NELL1: variants seen among roughly 807,000 people sequenced by gnomAD.
The protein encoded by NELL1 is protein kinase C-binding protein NELL1.
NELL1 carries 76 observed loss-of-function variants against 107.4 expected under a neutral mutation model. That is an observed-to-expected ratio of 0.71 (90% confidence interval 0.59 to 0.86). NELL1 has a LOEUF of 0.86. NELL1 is among the 40% of genes least tolerant of loss of function. The probability of loss-of-function intolerance (pLI) is 0.00; values close to 1 mark genes in which losing one functional copy is unlikely to be tolerated. For synonymous variants in NELL1, 353 were observed against 341.2 expected, an observed-to-expected ratio of 1.03 and a Z score of -0.38; for missense variants, 1,024 against 1,005.5, an observed-to-expected ratio of 1.02 and a Z score of -0.25.
Position 20,700,777 on chromosome 11 carries a change from T to C in NELL1, c.184+22717T>C, listed in dbSNP as rs959762962. On this transcript the variant is annotated intron_variant, in intron 2 of 19. Transcript: ENST00000357134. ...TGCGGTGTTTGGTTTTCTGTCCTTG[T>C]GATAGTTTGCTGAGAATGATGGTTT... 9.2e-5 allele frequency among the ~76,000 whole-genome samples: 14 copies of C among 152,222 alleles called. 1 individual carries two copies. The highest frequency in any genetic ancestry group is 3.1e-4 in the African/African-American group (13 of 41,538).
chr11:21,362,366 T>A (rs910009898), intron 14 of NELL1, among the ~76,000 whole-genome samples: 1 of 152,184 alleles, frequency 6.6e-6, no homozygotes, highest in African/African-American at 2.4e-5. Context: ...CTTCCAGCCA[T>A]GGATACCAGC....
intron 14 of NELL1, among the ~76,000 whole-genome samples, chr11:21,297,539 A>G (rs1849400230): frequency 6.6e-6 from 1 of 151,942 alleles, no homozygotes; most frequent in Admixed American, 6.6e-5. Context: ...GATCTGTTTT[A>G]TTTTTACCAG....
intron 11 of NELL1, among the ~76,000 whole-genome samples, chr11:20,951,229 A>G (rs377655279): frequency 7.2e-4 from 110 of 152,332 alleles, no homozygotes; most frequent in African/African-American, 2.6e-3. Flanking sequence ...ATATGAAATA[A>G]GGTTAAAACC....
chr11:21,026,568 AAGT>A (rs1397895623), intron 12 of NELL1, among the ~76,000 whole-genome samples: 4 of 152,178 alleles, frequency 2.6e-5, no homozygotes, highest in Non-Finnish European at 5.9e-5. Context: ...AATAGATGGC[AAGT>A]AGTATAAAAG....
intron 12 of NELL1, among the ~76,000 whole-genome samples, chr11:20,993,766 A>G (rs1440313747): frequency 2.0e-5 from 3 of 152,290 alleles, no homozygotes; most frequent in African/African-American, 4.8e-5. Context: ...ATGTCTGTAC[A>G]TATTCAATAC....
intron 14 of NELL1, among the ~76,000 whole-genome samples, chr11:21,311,416 C>T (rs1038702070): frequency 2.6e-5 from 4 of 152,070 alleles, no homozygotes; most frequent in Non-Finnish European, 4.4e-5. Flanking sequence ...TGTTTACATA[C>T]GTATATTTGG....
chr11:21,007,832 A>C lies in NELL1; in HGVS notation c.1300+47272A>C, dbSNP rs938997598. On this transcript the variant is annotated intron_variant, in intron 12 of 19. Transcript: ENST00000357134. ...TGAAGTTAAGGTATGGCCCACTTAC[A>C]TAAGATGATTTTTGTAACACCTCAG... is the stretch of plus-strand genomic sequence containing the variant. Among the ~76,000 whole-genome samples, 57 of 152,162 alleles carry C rather than the reference A, an allele frequency of 3.7e-4. 1 individual carries two copies. The highest frequency in any genetic ancestry group is 2.0e-4 in the Admixed American group (3 of 15,270).
chr11:21,276,135 T>A (rs1257488839), intron 14 of NELL1, among the ~76,000 whole-genome samples: 1 of 152,178 alleles, frequency 6.6e-6, no homozygotes, highest in African/African-American at 2.4e-5. Flanking sequence ...ATGACATGAT[T>A]GTATATTTAG....
chr11:20,890,370 A>G (rs1237065609), intron 5 of NELL1, among the ~76,000 whole-genome samples: 1 of 152,184 alleles, frequency 6.6e-6, no homozygotes, highest in African/African-American at 2.4e-5. Flanking sequence ...CAGCAGCCTC[A>G]AAGACTGAAA....
At chr11:20,982,110 T>C (rs1223838067) in intron 12 of NELL1, among the ~76,000 whole-genome samples, 2 of 152,158 alleles carry the variant, frequency 1.3e-5, no homozygotes, top group Admixed American at 6.6e-5. Flanking sequence ...TGTCAGAGAA[T>C]TGATGAGTCT....
chr11:21,441,386 A>G (rs1242385472), intron 15 of NELL1, among the ~76,000 whole-genome samples: 2 of 138,062 alleles, frequency 1.4e-5, no homozygotes, highest in Admixed American at 7.5e-5. Context: ...TGTGTGTTCT[A>G]TGATATGGTA....
At chr11:21,371,054 A>G (rs1851349548) in intron 15 of NELL1, 106 bp downstream of exon 15, 5 of 862,612 alleles carry the variant, frequency 5.8e-6, no homozygotes, top group Middle Eastern at 4.6e-4. Context: ...GGTTGACTTG[A>G]TACATTGTGT....
chr11:20,956,614 C>T (rs531838473), intron 11 of NELL1, among the ~76,000 whole-genome samples: 21 of 151,174 alleles, frequency 1.4e-4, no homozygotes, highest in Non-Finnish European at 2.7e-4. Context: ...CCACTGCACT[C>T]CAGCCTGGGC....
At chr11:21,474,279 G>T (rs1854263492) in intron 15 of NELL1, among the ~76,000 whole-genome samples, 1 of 151,930 alleles carries the variant, frequency 6.6e-6, no homozygotes, top group African/African-American at 2.4e-5. Context: ...AGAGAGCCCT[G>T]TGGTTCTCAC....
At chr11:20,723,495 T>C (rs1055767166) in intron 2 of NELL1, among the ~76,000 whole-genome samples, 1 of 152,182 alleles carries the variant, frequency 6.6e-6, no homozygotes, top group African/African-American at 2.4e-5. Flanking sequence ...TTTGACTTCA[T>C]GACTCACATT....
At chr11:20,919,807 T>C (rs2134161456) in intron 7 of NELL1, among the ~76,000 whole-genome samples, 1 of 152,290 alleles carries the variant, frequency 6.6e-6, no homozygotes, top group East Asian at 1.9e-4. Flanking sequence ...ATTTCAAGGC[T>C]GGTCCTGAGT....
intron 14 of NELL1, among the ~76,000 whole-genome samples, chr11:21,337,188 G>A (rs2032362): frequency 5.9e-5 from 9 of 152,076 alleles, no homozygotes; most frequent in African/African-American, 1.9e-4. Flanking sequence ...GGAGGGGCCT[G>A]GGGTGTACTA....
rs779182887 is a variant in NELL1 at position 20,928,361 on chromosome 11, G to A, written c.895-16G>A. The A allele has an allele frequency of 3.1e-6, 5 of 1,605,510 alleles. No individual in the cohort carries two copies. Among genetic ancestry groups the A allele is most frequent in the East Asian group, 4.5e-5 (2 of 44,826 alleles). On this transcript the variant is annotated splice_polypyrimidine_tract_variant and intron_variant, in intron 8 of 19. Coordinates refer to ENST00000357134, the MANE Select transcript of NELL1 (RefSeq NM_006157.5). ...GGATACTTCTGAGATTATGTTCCAT[G>A]TCCTTCCTTCCTCAGAGTGGTGCCG... is the stretch of plus-strand genomic sequence containing the variant.
chr11:21,302,946 A>G (rs1266102810), intron 14 of NELL1, among the ~76,000 whole-genome samples: 2 of 151,854 alleles, frequency 1.3e-5, no homozygotes, highest in African/African-American at 4.8e-5. Flanking sequence ...CTGTGGTCCT[A>G]GGAACTCAAG....
Sources: gnomAD v4.1 joint callset for allele counts (sites outside exome capture counted in the v4.1 genomes callset) on GRCh38, gnomAD v4.1.1 for gene constraint, MANE v1.5 for transcripts, NCBI Gene and HGNC (gene_info 2026-07-23, HGNC 2026-07-21) for gene names.